Variants in DNASE1L3 observed in about 807,000 individuals in gnomAD.
DNASE1L3 encodes deoxyribonuclease gamma.
Under a neutral mutation model 30.9 loss-of-function variants are expected in DNASE1L3, and 27 were observed. That is an observed-to-expected ratio of 0.87 (90% CI 0.64 to 1.20). The LOEUF (loss-of-function observed/expected upper bound fraction) is 1.20. Among genes scored for constraint, DNASE1L3 ranks in the 50% most tolerant of loss-of-function variants. The pLI is 0.00. For synonymous variants in DNASE1L3, 135 were observed against 138.0 expected, an observed-to-expected ratio of 0.98 and a Z score of 0.15; for missense variants, 364 against 378.2, an observed-to-expected ratio of 0.96 and a Z score of 0.31.
At chr3:58,203,765 A>G (rs1290577743) in intron 4 of DNASE1L3, among the ~76,000 whole-genome samples, 1 of 152,170 alleles carries the variant, frequency 6.6e-6, no homozygotes. Context: ...ATGCCACTGC[A>G]TTCCAGACTG....
chr3:58,210,280 A>C (rs974127696), intron 1 of DNASE1L3, among the ~76,000 whole-genome samples: 1 of 152,178 alleles, frequency 6.6e-6, no homozygotes, highest in African/African-American at 2.4e-5. Context: ...AAGAAAAGAA[A>C]GAAAGAAGAA....
rs191334116 is a variant in DNASE1L3, at chr3:58,200,277, A to G, written c.546+720T>C. On this transcript the variant is annotated intron_variant, in intron 5 of 7. Transcript: ENST00000394549. This position sits in a 1 kb window ranked among gnomAD's most constrained non-coding sequence, Gnocchi z 4.2. ...ACACCCTGATCACAATGATTGGTTCAGGGATGGACACCTGACCCAGTCAGA... is the reference window on the plus strand; with the variant it reads ...ACACCCTGATCACAATGATTGGTTCGGGGATGGACACCTGACCCAGTCAGA... Among the ~76,000 whole-genome samples, 2 of 152,312 alleles carry G rather than the reference A, an allele frequency of 1.3e-5. No individual in the cohort carries two copies. Among genetic ancestry groups the G allele is most frequent in the East Asian group, 3.9e-4 (2 of 5,182 alleles).
In DNASE1L3 at chr3:58,192,965, C is replaced by A; in HGVS notation, c.802-162G>T. ...AGCGTCATTCCAAGACCAGCTCGAT[C>A]AGAAATTTTGGAGGGGCCTCAAATC... On this transcript the variant is annotated intron_variant, in intron 7 of 7. Coordinates refer to ENST00000394549, the MANE Select transcript of DNASE1L3 (RefSeq NM_004944.4). This position sits in a 1 kb window ranked among gnomAD's most constrained non-coding sequence, Gnocchi z 4.8. 2.1e-6 allele frequency: 3 copies of A among 1,438,452 alleles called. No individual in the cohort carries two copies. Among genetic ancestry groups the A allele is most frequent in the South Asian group, 3.0e-5 (2 of 65,610 alleles). The allele number at this position is 1,438,452 out of a possible 1,614,324, so 89.1% of individuals were successfully genotyped here.
Position 58,197,975 on chromosome 3 carries a change from A to G in DNASE1L3, c.550T>C (p.Phe184Leu). ...DVKHRWKAEN[F>L]IFMGDFNAGC... ...GCATTGAAGTCACCCATGAAAATGA[A>G]ATTCTAAAAGACAAGATTTGGAACT... is the stretch of plus-strand genomic sequence containing the variant. Residue 184 changes from phenylalanine to leucine, a missense_variant, in exon 6 of 8, where the codon TTC becomes CTC. Transcript: ENST00000394549. The surrounding 1 kb of genome is among the most constrained non-coding windows in gnomAD (Gnocchi z 5.3). The G allele has an allele frequency of 6.2e-7, 1 of 1,608,182 alleles. No homozygotes were observed. The highest frequency in any genetic ancestry group is 1.7e-5 in the Admixed American group (1 of 59,496).
At chr3:58,209,437 C>A (rs759562249) in intron 1 of DNASE1L3, among the ~76,000 whole-genome samples, 5 of 152,214 alleles carry the variant, frequency 3.3e-5, no homozygotes, top group African/African-American at 4.8e-5. Flanking sequence ...CCTTGCATGT[C>A]AGGGTTTCCC....
chr3:58,206,954 A>G (rs2097404360), intron 2 of DNASE1L3, among the ~76,000 whole-genome samples: 1 of 152,146 alleles, frequency 6.6e-6, no homozygotes, highest in South Asian at 2.1e-4. Flanking sequence ...TGTCCTACAC[A>G]TGCCTTCCCT....
intron 4 of DNASE1L3, among the ~76,000 whole-genome samples, chr3:58,203,218 C>T (rs771896947): frequency 1.9e-4 from 29 of 152,212 alleles, no homozygotes; most frequent in Admixed American, 4.6e-4. Context: ...CAGGGCCCCA[C>T]GTGTCCTCAT....
chr3:58,207,994 G>T, intron 2 of DNASE1L3: 1 of 464,286 alleles, frequency 2.2e-6, no homozygotes, highest in Non-Finnish European at 3.8e-6. Flanking sequence ...TTCTTTCTGT[G>T]TCCAGACCCC....
intron 4 of DNASE1L3, among the ~76,000 whole-genome samples, chr3:58,204,530 G>A (rs2097402720): frequency 6.6e-6 from 1 of 152,230 alleles, no homozygotes; most frequent in South Asian, 2.1e-4. Context: ...TCTCCAAAGA[G>A]AGTGGACTAC....
intron 2 of DNASE1L3, among the ~76,000 whole-genome samples, chr3:58,207,451 C>A (rs1194556478): frequency 6.2e-5 from 4 of 64,068 alleles, no homozygotes; most frequent in African/African-American, 2.4e-4. Flanking sequence ...ACCCCCCCCC[C>A]CCCCACCAGA....
chr3:58,195,648 T>C (rs1363486295), intron 6 of DNASE1L3, among the ~76,000 whole-genome samples: 13 of 118,810 alleles, frequency 1.1e-4, no homozygotes, highest in Non-Finnish European at 1.9e-4. Flanking sequence ...AAGCGGGGCA[T>C]GTTTGTGTAT....
At position 58,196,803 on chromosome 3, in the gene DNASE1L3, A is replaced by T. The variant is rs540388563; in HGVS notation, c.704+1018T>A. On this transcript the variant is annotated intron_variant, in intron 6 of 7. Transcript: ENST00000394549. ...AAGGAGCAAAGATGAAAGCTGTTTG[A>T]AAATCCCTGAAGGGACTTTAAAAAG... Among the ~76,000 whole-genome samples the T allele has an allele frequency of 5.9e-5, 9 of 152,288 alleles. No homozygotes were observed. The South Asian group carries it at 1.9e-3, about 32-fold the overall frequency.
chr3:58,192,907 G>T lies in DNASE1L3; in HGVS notation c.802-104C>A. The T allele has an allele frequency of 6.6e-7, 1 of 1,523,012 alleles. No homozygotes were observed. 94.3% of individuals were successfully genotyped at this position (1,523,012 alleles called of 1,614,324 possible). On this transcript the variant is annotated intron_variant, in intron 7 of 7. Coordinates refer to ENST00000394549, the MANE Select transcript of DNASE1L3 (RefSeq NM_004944.4). This position sits in a 1 kb window ranked among gnomAD's most constrained non-coding sequence, Gnocchi z 4.8. ...TAGGACCAGGGAGGGGAGAGGAAAT[G>T]CCCGAAGTCACCCCACAGAACACTT...
chr3:58,205,543 AT>A lies in DNASE1L3; in HGVS notation c.247del (p.Ile83Ter). 1 of 1,613,854 alleles carries A rather than the reference AT, an allele frequency of 6.2e-7. No individual in the cohort carries two copies. Among genetic ancestry groups the A allele is most frequent in the South Asian group, 1.1e-5 (1 of 91,064 alleles). ...EKLNRNSRRG[I>X]TYNYVISSRL... ...AGAGCTAATCACATAGTTGTACGTT[AT>A]GCCTCTCCTTGAATTTCTAGAAAAC... On this transcript the variant is annotated frameshift_variant, in exon 3 of 8. Transcript: ENST00000394549. LOFTEE classifies it high-confidence loss of function.
intron 5 of DNASE1L3, among the ~76,000 whole-genome samples, chr3:58,198,997 C>T (rs535066675): frequency 2.6e-5 from 4 of 152,120 alleles, no homozygotes; most frequent in Non-Finnish European, 5.9e-5. Flanking sequence ...ACAGAATTTT[C>T]AACATTCCAC....
At chr3:58,204,508 A>G (rs1463176983) in intron 4 of DNASE1L3, among the ~76,000 whole-genome samples, 1 of 152,234 alleles carries the variant, frequency 6.6e-6, no homozygotes, top group Non-Finnish European at 1.5e-5. Flanking sequence ...AACAATTTCC[A>G]TGAGCCTAAA....
chr3:58,194,243 A>G (rs2097395822), intron 6 of DNASE1L3, among the ~76,000 whole-genome samples: 1 of 151,268 alleles, frequency 6.6e-6, no homozygotes, highest in Non-Finnish European at 1.5e-5. Flanking sequence ...TTCATGAGTG[A>G]CCAGTGGGCC....
rs2097399760 is a variant in DNASE1L3 at position 58,200,225 on chromosome 3, A to G, written c.546+772T>C. Among the ~76,000 whole-genome samples the G allele has an allele frequency of 6.6e-6, 1 of 152,206 alleles. No homozygotes were observed. The highest frequency in any genetic ancestry group is 1.9e-4 in the East Asian group (1 of 5,190). ...AGTTTGGGGTGGAGCTGGGGTGGAC[A>G]CAGATTTAGTCAATCAGAGTAGCTC... On this transcript the variant is annotated intron_variant, in intron 5 of 7. Coordinates refer to ENST00000394549, the MANE Select transcript of DNASE1L3 (RefSeq NM_004944.4). This position sits in a 1 kb window ranked among gnomAD's most constrained non-coding sequence, Gnocchi z 4.2.
Position 58,200,872 on chromosome 3 carries a change from G to T in DNASE1L3, c.546+125C>A. The T allele has an allele frequency of 1.5e-6, 1 of 660,780 alleles. No homozygotes were observed. Among genetic ancestry groups the T allele is most frequent in the Non-Finnish European group, 2.5e-6 (1 of 393,254 alleles). 40.9% of individuals were successfully genotyped at this position (660,780 alleles called of 1,614,324 possible). ...GGGCTGAAGAAAGGCCTTAAAGAAT[G>T]CTGTAAGTGGTGGTAGCCTGCACAT... is the stretch of plus-strand genomic sequence containing the variant. On this transcript the variant is annotated intron_variant, in intron 5 of 7. Coordinates refer to ENST00000394549, the MANE Select transcript of DNASE1L3 (RefSeq NM_004944.4). The surrounding 1 kb of genome is among the most constrained non-coding windows in gnomAD (Gnocchi z 4.2).
Sources: gnomAD v4.1 joint callset for allele counts (sites outside exome capture counted in the v4.1 genomes callset) on GRCh38, gnomAD v4.1.1 for gene constraint, Gnocchi (gnomAD v3.1) non-coding constraint, MANE v1.5 for transcripts, NCBI Gene and HGNC (gene_info 2026-07-23, HGNC 2026-07-21) for gene names.